The following RAB3GAP2 variants were observed in gnomAD, a reference collection of about 807,000 sequenced individuals.
RAB3GAP2 encodes RAB3 GTPase activating non-catalytic protein subunit 2.
RAB3GAP2 carries 87 observed loss-of-function variants against 185.3 expected under a neutral mutation model. The observed-to-expected ratio is 0.47, with a 90% CI of 0.39 to 0.56. The LOEUF (loss-of-function observed/expected upper bound fraction) is 0.56. Ranked by LOEUF, RAB3GAP2 falls within the 20% of genes least tolerant of loss-of-function variation. RAB3GAP2 has a pLI of 0.00. For missense variants in RAB3GAP2, 1,492 were observed against 1,638.2 expected (o/e 0.91, Z 1.54); for synonymous variants, 554 against 576.1 (o/e 0.96, Z 0.55).
intron 2 of RAB3GAP2, among the ~76,000 whole-genome samples, chr1:220,214,946 T>TA (rs1659158999): frequency 0.014 from 1,216 of 89,620 alleles, 26 homozygotes; most frequent in South Asian, 0.055. Flanking sequence ...AATAGTAGCA[T>TA]TATATATATA....
rs780837742 is a variant in RAB3GAP2 at position 220,153,395 on chromosome 1, T to C, written c.3657A>G (p.Lys1219=). ...GGGCCTGGACAGCTGCACTGACAAC[T>C]TTCAATAAGAACTTGAAAATGGAGA... ...FISVRQQFLL[K]VVSAAVQAQH... is the part of the protein sequence containing the mutation. The change falls in exon 33 of 35, where the codon AAA becomes AAG. Residue 1219 remains lysine, a synonymous_variant. Transcript: ENST00000358951. 6.2e-7 allele frequency: 1 copy of C among 1,614,086 alleles called. No homozygotes were observed. The highest frequency in any genetic ancestry group is 1.7e-5 in the Admixed American group (1 of 60,022).
chr1:220,217,301 G>A (rs780306717), intron 2 of RAB3GAP2, among the ~76,000 whole-genome samples: 3 of 151,796 alleles, frequency 2.0e-5, no homozygotes, highest in Non-Finnish European at 4.4e-5. Context: ...ACTTTATTCC[G>A]GCCTAATCTT....
intron 1 of RAB3GAP2, among the ~76,000 whole-genome samples, chr1:220,241,716 G>A (rs907824090): frequency 6.6e-6 from 1 of 151,880 alleles, no homozygotes; most frequent in East Asian, 1.9e-4. Flanking sequence ...ATATTAGCAT[G>A]AAATTTCATA....
At chr1:220,254,714 C>CT (rs377000481) in intron 1 of RAB3GAP2, among the ~76,000 whole-genome samples, 2,188 of 143,468 alleles carry the variant, frequency 0.015, 37 homozygotes, top group African/African-American at 0.042. Flanking sequence ...TTTTTCTTTT[C>CT]TTTTTTTTTT....
intron 1 of RAB3GAP2, among the ~76,000 whole-genome samples, chr1:220,238,220 T>C (rs553678691): frequency 2.0e-5 from 3 of 152,156 alleles, no homozygotes; most frequent in Admixed American, 1.3e-4. Context: ...TTTTTTCTCT[T>C]TTTTTGTAGA....
chr1:220,172,839 T>C (rs1658205076), intron 21 of RAB3GAP2, 97 bp from the exon 22 acceptor site: 1 of 773,358 alleles, frequency 1.3e-6, no homozygotes, highest in Non-Finnish European at 2.3e-6. Context: ...ATATGGATGA[T>C]GCAGCTTCTT....
chr1:220,239,010 A>G (rs914523651), intron 1 of RAB3GAP2, among the ~76,000 whole-genome samples: 1 of 152,230 alleles, frequency 6.6e-6, no homozygotes. Flanking sequence ...ACGAATAGTA[A>G]TTGAAAATGA....
intron 23 of RAB3GAP2, 66 bp from the exon 24 acceptor site, chr1:220,171,186 T>C (rs1658169541): frequency 7.0e-7 from 1 of 1,426,684 alleles, no homozygotes; most frequent in Non-Finnish European, 9.9e-7. Context: ...TGAATGAGCT[T>C]TTAACTTGAA....
At chr1:220,258,484 A>G (rs1015340016) in intron 1 of RAB3GAP2, among the ~76,000 whole-genome samples, 1 of 152,208 alleles carries the variant, frequency 6.6e-6, no homozygotes, top group Non-Finnish European at 1.5e-5. Context: ...AAGACAAAAA[A>G]CCACATGAAT....
rs554949689 is a variant in RAB3GAP2 at position 220,164,483 on chromosome 1, T to G, written c.3154+250A>C. Reference sequence around the variant, plus strand: ...TTTGTTTTTTGTTTTGTTTTTTTTTTTTTTTTTTTAGAGACAGGGTCTCAC... The same window carrying G: ...TTTGTTTTTTGTTTTGTTTTTTTTTGTTTTTTTTTAGAGACAGGGTCTCAC... On this transcript the variant is annotated intron_variant, in intron 27 of 34. Transcript: ENST00000358951. Among the ~76,000 whole-genome samples, 125 of 148,228 alleles carry G rather than the reference T, an allele frequency of 8.4e-4. 1 individual carries two copies. In the Middle Eastern group the frequency reaches 0.01, roughly 12 times the overall value.
intron 2 of RAB3GAP2, among the ~76,000 whole-genome samples, chr1:220,231,626 A>G (rs1296934405): frequency 2.0e-5 from 3 of 152,200 alleles, no homozygotes; most frequent in Non-Finnish European, 2.9e-5. Flanking sequence ...TCCAGGGAAT[A>G]ATATGATTCA....
intron 21 of RAB3GAP2, 72 bp downstream of exon 21, chr1:220,182,179 TAAAAAA>T: frequency 1.7e-6 from 2 of 1,176,108 alleles, no homozygotes. Flanking sequence ...AGACAATAGT[TAAAAAA>T]AAAAAGAAGA....
chr1:220,268,389 T>A (rs1437281042), intron 1 of RAB3GAP2, among the ~76,000 whole-genome samples: 2 of 152,250 alleles, frequency 1.3e-5, no homozygotes, highest in African/African-American at 4.8e-5. Context: ...ATATCTCATG[T>A]AATTTCTTGA....
At chr1:220,186,070 T>C (rs1238343151) in intron 17 of RAB3GAP2, among the ~76,000 whole-genome samples, 2 of 152,198 alleles carry the variant, frequency 1.3e-5, no homozygotes, top group Non-Finnish European at 2.9e-5. Context: ...AATATGCCTA[T>C]ACTATATAGG....
At chr1:220,212,839 C>T (rs756545039) in intron 4 of RAB3GAP2, 48 bp downstream of exon 4, 8 of 1,410,820 alleles carry the variant, frequency 5.7e-6, no homozygotes, top group Non-Finnish European at 8.0e-6. Flanking sequence ...CAAATAATTT[C>T]ATACATACAT....
chr1:220,257,970 G>T (rs1660061559), intron 1 of RAB3GAP2, among the ~76,000 whole-genome samples: 1 of 151,892 alleles, frequency 6.6e-6, no homozygotes, highest in Admixed American at 6.5e-5. Context: ...TATAAACACA[G>T]AGAAATAAGG....
At chr1:220,264,435 C>G (rs905330902) in intron 1 of RAB3GAP2, among the ~76,000 whole-genome samples, 1 of 151,848 alleles carries the variant, frequency 6.6e-6, no homozygotes, top group Non-Finnish European at 1.5e-5. Flanking sequence ...TATAATAAGA[C>G]TACAAACGTG....
At chr1:220,167,701 A>G in intron 24 of RAB3GAP2, 26 bp from the exon 25 acceptor site, 1 of 1,609,280 alleles carries the variant, frequency 6.2e-7, no homozygotes, top group South Asian at 1.1e-5. Context: ...AAGAAAGAAA[A>G]TAAAAATTTA....
Position 220,168,524 on chromosome 1 carries a change from A to G in RAB3GAP2, c.2807-849T>C, listed in dbSNP as rs571389786. Among the ~76,000 whole-genome samples, 4 of 152,106 alleles carry G rather than the reference A, an allele frequency of 2.6e-5. No individual in the cohort carries two copies. In the South Asian group the frequency reaches 6.2e-4, roughly 24 times the overall value. On this transcript the variant is annotated intron_variant, in intron 24 of 34. Coordinates refer to ENST00000358951, the MANE Select transcript of RAB3GAP2 (RefSeq NM_012414.4). Reference sequence around the variant, plus strand: ...GGGATTATCCTGTCTCAGGCTCCCAAGTAGCTTGGATTACATGCATGTGCC... The same window carrying G: ...GGGATTATCCTGTCTCAGGCTCCCAGGTAGCTTGGATTACATGCATGTGCC...
Sources: gnomAD v4.1 joint callset for allele counts (sites outside exome capture counted in the v4.1 genomes callset) on GRCh38, gnomAD v4.1.1 for gene constraint, MANE v1.5 for transcripts, NCBI Gene and HGNC (gene_info 2026-07-23, HGNC 2026-07-21) for gene names.